Variants in PDGFD observed in about 807,000 individuals in gnomAD.
The protein encoded by PDGFD is platelet derived growth factor D.
PDGFD carries 30 observed loss-of-function variants against 44.7 expected under a neutral mutation model. The ratio of observed to expected loss-of-function variants is 0.67; its 90% CI spans 0.50 to 0.91. PDGFD has a LOEUF of 0.91. PDGFD is among the 40% of genes least tolerant of loss of function. PDGFD has a pLI of 0.00. For synonymous variants in PDGFD, 173 were observed against 168.4 expected (o/e 1.03, Z -0.21); for missense variants, 445 against 457.8 (o/e 0.97, Z 0.25).
At chr11:103,951,361 T>A (rs1858754034) in intron 3 of PDGFD, among the ~76,000 whole-genome samples, 1 of 152,174 alleles carries the variant, frequency 6.6e-6, no homozygotes, top group Non-Finnish European at 1.5e-5. Flanking sequence ...CGCCATAACC[T>A]CCTAAGTCCA....
chr11:104,144,145 TAAATA>T lies in PDGFD; in HGVS notation c.124+19654_124+19658del, dbSNP rs960660612. Among the ~76,000 whole-genome samples the T allele has an allele frequency of 7.2e-5, 11 of 152,272 alleles. 1 individual carries two copies. The highest frequency in any genetic ancestry group is 5.2e-4 in the Admixed American group (8 of 15,296). On this transcript the variant is annotated intron_variant, in intron 1 of 6. Coordinates refer to ENST00000393158, the MANE Select transcript of PDGFD (RefSeq NM_025208.5). ...AGTGGAACACTGGAGGTTAAGACTA[TAAATA>T]AAATAAAAAGCAACAACAAGAAAAG...
chr11:103,923,337 A>C (rs920154408), intron 6 of PDGFD, among the ~76,000 whole-genome samples: 1 of 152,170 alleles, frequency 6.6e-6, no homozygotes, highest in Non-Finnish European at 1.5e-5. Flanking sequence ...AACCGCTCAA[A>C]ACCCTACAGG....
intron 3 of PDGFD, among the ~76,000 whole-genome samples, chr11:103,991,001 T>C (rs1859442482): frequency 6.6e-6 from 1 of 151,834 alleles, no homozygotes; most frequent in Non-Finnish European, 1.5e-5. Flanking sequence ...TAGCCGAGCA[T>C]GGTGGCGGGT....
intron 1 of PDGFD, among the ~76,000 whole-genome samples, chr11:104,030,934 A>C (rs1056279516): frequency 1.3e-5 from 2 of 152,298 alleles, no homozygotes; most frequent in South Asian, 4.1e-4. Context: ...ACAACATTTT[A>C]TTTACACATT....
intron 2 of PDGFD, among the ~76,000 whole-genome samples, chr11:103,996,597 A>T (rs1220238070): frequency 6.6e-6 from 1 of 152,190 alleles, no homozygotes; most frequent in Non-Finnish European, 1.5e-5. Flanking sequence ...CTCTAGTTAT[A>T]GGCCCAAATA....
At chr11:104,007,471 A>G (rs1431301867) in intron 1 of PDGFD, among the ~76,000 whole-genome samples, 1 of 152,254 alleles carries the variant, frequency 6.6e-6, no homozygotes, top group Non-Finnish European at 1.5e-5. Context: ...ACAACATAAG[A>G]TGCAAAAGGA....
intron 1 of PDGFD, among the ~76,000 whole-genome samples, chr11:104,157,733 T>C (rs1167541240): frequency 2.6e-5 from 4 of 152,242 alleles, no homozygotes; most frequent in Non-Finnish European, 5.9e-5. Flanking sequence ...ACAATATGAT[T>C]ACTATAATAA....
chr11:104,101,436 C>A (rs1861378066), intron 1 of PDGFD, among the ~76,000 whole-genome samples: 2 of 152,044 alleles, frequency 1.3e-5, no homozygotes, highest in Non-Finnish European at 2.9e-5. Context: ...CAAACCACTG[C>A]TCAATGAAAT....
chr11:104,114,654 G>A (rs1272084356), intron 1 of PDGFD, among the ~76,000 whole-genome samples: 4 of 151,694 alleles, frequency 2.6e-5, no homozygotes, highest in Non-Finnish European at 5.9e-5. Flanking sequence ...ATTTTGATTG[G>A]GATTACCACT....
chr11:103,963,050 A>T (rs1858963079), intron 3 of PDGFD, among the ~76,000 whole-genome samples: 1 of 152,134 alleles, frequency 6.6e-6, no homozygotes, highest in African/African-American at 2.4e-5. Context: ...CAATATTCTT[A>T]TCTGAAAATT....
At chr11:104,070,731 T>C (rs1408257760) in intron 1 of PDGFD, among the ~76,000 whole-genome samples, 1 of 152,216 alleles carries the variant, frequency 6.6e-6, no homozygotes, top group Non-Finnish European at 1.5e-5. Flanking sequence ...ATCCTTATTC[T>C]TTCCTTTTAC....
rs28394400 is a variant in PDGFD at position 104,151,338 on chromosome 11, C to T, written c.124+12466G>A. On this transcript the variant is annotated intron_variant, in intron 1 of 6. Transcript: ENST00000393158. ...TTTACACACGCATGCAAGCTGGATG[C>T]GTAAATAGTACAAAGTAGTAAAACA... Among the ~76,000 whole-genome samples, 7 of 151,934 alleles carry T rather than the reference C, an allele frequency of 4.6e-5. 1 individual carries two copies. The highest frequency in any genetic ancestry group is 1.7e-4 in the African/African-American group (7 of 41,424).
At chr11:104,064,105 C>T (rs1037176811) in intron 1 of PDGFD, among the ~76,000 whole-genome samples, 2 of 152,260 alleles carry the variant, frequency 1.3e-5, no homozygotes, top group South Asian at 2.1e-4. Flanking sequence ...ACATTCAGAG[C>T]GTCCAAAAAT....
At chr11:103,928,099 A>G (rs117457382) in intron 5 of PDGFD, among the ~76,000 whole-genome samples, 2,102 of 152,378 alleles carry the variant, frequency 0.014, 23 homozygotes, top group Middle Eastern at 0.027. Flanking sequence ...AAGCACCACA[A>G]TATTTTCAAA....
chr11:103,959,542 A>C (rs1197646256), intron 3 of PDGFD, among the ~76,000 whole-genome samples: 1 of 152,176 alleles, frequency 6.6e-6, no homozygotes, highest in Non-Finnish European at 1.5e-5. Context: ...TCCCCACTCA[A>C]CTAGCAACTA....
chr11:103,922,023 A>C (rs954106905), intron 6 of PDGFD, among the ~76,000 whole-genome samples: 2 of 151,834 alleles, frequency 1.3e-5, no homozygotes, highest in African/African-American at 4.8e-5. Flanking sequence ...TAGACAGTGC[A>C]GGTGGTTAGG....
At chr11:103,981,020 G>GATCACAGCTCTACA (rs1859264047) in intron 3 of PDGFD, among the ~76,000 whole-genome samples, 17 of 149,306 alleles carry the variant, frequency 1.1e-4, no homozygotes, top group African/African-American at 3.6e-4. Context: ...CCTCTGCTAT[G>GATCACAGCTCTACA]TTTCGAATGA....
intron 5 of PDGFD, among the ~76,000 whole-genome samples, chr11:103,936,466 A>G (rs1367680204): frequency 6.6e-6 from 1 of 152,206 alleles, no homozygotes; most frequent in Admixed American, 6.5e-5. Flanking sequence ...ACAGCAATAA[A>G]TGATAAAATT....
At chr11:104,111,497 A>G (rs1314595843) in intron 1 of PDGFD, among the ~76,000 whole-genome samples, 1 of 152,038 alleles carries the variant, frequency 6.6e-6, no homozygotes, top group Non-Finnish European at 1.5e-5. Context: ...GGCTCAAGCA[A>G]TCCTTCTGCC....
Sources: allele counts gnomAD v4.1 joint callset (sites outside exome capture counted in the v4.1 genomes callset), GRCh38; gene constraint gnomAD v4.1.1; transcripts MANE v1.5; gene names NCBI Gene and HGNC (gene_info 2026-07-23, HGNC 2026-07-21).